Variants in SHFL observed in about 807,000 individuals in gnomAD.
The protein encoded by SHFL is shiftless antiviral inhibitor of ribosomal frameshifting protein.
In SHFL, 12 loss-of-function variants were observed where a neutral mutation model predicts 34.7. The ratio of observed to expected loss-of-function variants is 0.35; its 90% CI spans 0.22 to 0.56. SHFL has a LOEUF of 0.56. Among genes scored for constraint, SHFL ranks in the 20% least tolerant of loss-of-function variants. SHFL has a pLI of 0.88. For synonymous variants in SHFL, 148 were observed against 156.0 expected (o/e 0.95, Z 0.38); for missense variants, 278 against 411.1 (o/e 0.68, Z 2.80).
chr19:10,092,888 T>C lies in SHFL; in HGVS notation c.*586T>C. 1 of 916,236 alleles carries C rather than the reference T, an allele frequency of 1.1e-6. No homozygotes were observed. The highest frequency in any genetic ancestry group is 1.6e-6 in the Non-Finnish European group (1 of 638,482). 56.8% of individuals were successfully genotyped at this position (916,236 alleles called of 1,614,324 possible). Reference sequence around the variant, plus strand: ...ATCCCCTGGCCCCTCCCATTCTTATTGAATACAAGCCCTGATCTTCCATCT... The same window carrying C: ...ATCCCCTGGCCCCTCCCATTCTTATCGAATACAAGCCCTGATCTTCCATCT... On this transcript the variant is annotated 3_prime_UTR_variant, in exon 8 of 8. Coordinates refer to ENST00000253110, the MANE Select transcript of SHFL (RefSeq NM_018381.4).
rs1391620460 is a variant in SHFL at position 10,091,663 on chromosome 19, T to A, written c.643+33T>A. On this transcript the variant is annotated intron_variant, in intron 7 of 7. Coordinates refer to ENST00000253110, the MANE Select transcript of SHFL (RefSeq NM_018381.4). The surrounding 1 kb of genome is among the most constrained non-coding windows in gnomAD (Gnocchi z 8.2). ...TCTTCTCCCCCAACAGCCTGGACAG[T>A]CTTTGTCCCCTTCTGTGCCTTTAAG... 2 of 1,516,950 alleles carry A rather than the reference T, an allele frequency of 1.3e-6. No individual in the cohort carries two copies. Among genetic ancestry groups the A allele is most frequent in the Non-Finnish European group, 1.8e-6 (2 of 1,126,308 alleles). 94.0% of individuals were successfully genotyped at this position (1,516,950 alleles called of 1,614,324 possible). A position where few individuals can be genotyped will look rare whatever the true frequency, so the allele number is the denominator to read the frequency against.
At chr19:10,092,006 C>T (rs1318697835) in intron 7 of SHFL, 64 bp from the exon 8 acceptor site, 2 of 1,603,884 alleles carry the variant, frequency 1.2e-6, no homozygotes, top group East Asian at 2.2e-5. Context: ...TGGCCTAAGT[C>T]CCCTCCTCCC....
Position 10,089,491 on chromosome 19 carries a change from G to A in SHFL, c.196-166G>A, listed in dbSNP as rs933767541. 9 of 1,378,866 alleles carry A rather than the reference G, an allele frequency of 6.5e-6. No individual in the cohort carries two copies. The African/African-American group carries it at 1.3e-4, about 20-fold the overall frequency. 85.4% of individuals were successfully genotyped at this position (1,378,866 alleles called of 1,614,324 possible). On this transcript the variant is annotated intron_variant, in intron 3 of 7. Transcript: ENST00000253110. ...GCCCACCTCTCAGGGCTGCTATGAG[G>A]ACAACTGAGGCCACACACCTGGCTC...
intron 3 of SHFL, chr19:10,089,255 C>G (rs779970376): frequency 4.5e-6 from 7 of 1,561,482 alleles, no homozygotes; most frequent in Middle Eastern, 1.7e-4. Context: ...CAAGTCCCCA[C>G]AGCTGGAAGT....
chr19:10,089,350 A>T, intron 3 of SHFL: 1 of 1,598,558 alleles, frequency 6.3e-7, no homozygotes, highest in Non-Finnish European at 8.5e-7. Context: ...TCACAACATC[A>T]ACAAGCATGT....
At chr19:10,089,795 G>A in intron 4 of SHFL, 100 bp downstream of exon 4, 2 of 1,555,710 alleles carry the variant, frequency 1.3e-6, no homozygotes, top group Non-Finnish European at 1.7e-6. Context: ...TATTCACTGG[G>A]GCAGGAAGAG....
At chr19:10,090,261 C>T (rs1366056241) in intron 5 of SHFL, 1 of 590,810 alleles carries the variant, frequency 1.7e-6, no homozygotes, top group Non-Finnish European at 3.0e-6. Flanking sequence ...TACCTCCTTA[C>T]CCCAGAACCT....
Position 10,092,385 on chromosome 19 carries a change from G to C in SHFL, c.*83G>C. ...AAGATATGAGCTCAAACCGAGATAT[G>C]AATGACCTTGGGGAGCCATCTGAGG... On this transcript the variant is annotated 3_prime_UTR_variant, in exon 8 of 8. Transcript: ENST00000253110. 1.3e-6 allele frequency: 2 copies of C among 1,529,698 alleles called. No homozygotes were observed. Among genetic ancestry groups the C allele is most frequent in the South Asian group, 2.5e-5 (2 of 81,280 alleles). 94.8% of individuals were successfully genotyped at this position (1,529,698 alleles called of 1,614,324 possible).
At chr19:10,087,154 C>T in intron 2 of SHFL, 97 bp from the exon 3 acceptor site, 2 of 1,591,000 alleles carry the variant, frequency 1.3e-6, no homozygotes, top group South Asian at 2.2e-5. Context: ...CCCCGGAGGT[C>T]CCAGCCTTGG....
chr19:10,089,251 C>T, intron 3 of SHFL: 1 of 1,544,848 alleles, frequency 6.5e-7, no homozygotes, highest in Non-Finnish European at 8.8e-7. Context: ...TGCCCAAGTC[C>T]CCACAGCTGG....
Position 10,092,498 on chromosome 19 carries a change from G to A in SHFL, c.*196G>A. 1 of 1,522,344 alleles carries A rather than the reference G, an allele frequency of 6.6e-7. No individual in the cohort carries two copies. The highest frequency in any genetic ancestry group is 1.3e-5 in the South Asian group (1 of 78,542). 94.3% of individuals were successfully genotyped at this position (1,522,344 alleles called of 1,614,324 possible). On this transcript the variant is annotated 3_prime_UTR_variant, in exon 8 of 8. Transcript: ENST00000253110. ...AGTGGGAAGTTCTGTGGGACACATT[G>A]GCACTGAGCCACAAAGAAGGTGTGG... is the stretch of plus-strand genomic sequence containing the variant.
chr19:10,092,405 C>A lies in SHFL; in HGVS notation c.*103C>A. ...GATATGAATGACCTTGGGGAGCCAT[C>A]TGAGGCCAAGATATTGACGGGGGGG... On this transcript the variant is annotated 3_prime_UTR_variant, in exon 8 of 8. Coordinates refer to ENST00000253110, the MANE Select transcript of SHFL (RefSeq NM_018381.4). 1 of 1,519,606 alleles carries A rather than the reference C, an allele frequency of 6.6e-7. No individual in the cohort carries two copies. Among genetic ancestry groups the A allele is most frequent in the Non-Finnish European group, 8.8e-7 (1 of 1,136,830 alleles). The allele number at this position is 1,519,606 out of a possible 1,614,324, so 94.1% of individuals were successfully genotyped here.
rs894745546 is a variant in SHFL at position 10,086,810 on chromosome 19, G to GT, written c.22-119_22-118insT. On this transcript the variant is annotated intron_variant, in intron 1 of 7. Transcript: ENST00000253110. The surrounding 1 kb of genome is among the most constrained non-coding windows in gnomAD (Gnocchi z 5.2). ...CCGTAAAGGGATGAAAGGCGGGGGG[G>GT]GGGCGGCGGAGGCCAAAACCAAGGG... 6 of 1,210,614 alleles carry GT rather than the reference G, an allele frequency of 5.0e-6. No individual in the cohort carries two copies. The highest frequency in any genetic ancestry group is 1.5e-5 in the African/African-American group (1 of 65,162). 75.0% of individuals were successfully genotyped at this position (1,210,614 alleles called of 1,614,324 possible).
chr19:10,093,143 T>A lies in SHFL; in HGVS notation c.*841T>A. ...ACTTGAACAGGAGTCTTGATTCTTT[T>A]TTTGCCTCATCAGAGAAGGAATCTG... On this transcript the variant is annotated 3_prime_UTR_variant, in exon 8 of 8. Coordinates refer to ENST00000253110, the MANE Select transcript of SHFL (RefSeq NM_018381.4). 1 of 637,172 alleles carries A rather than the reference T, an allele frequency of 1.6e-6. No homozygotes were observed. The highest frequency in any genetic ancestry group is 2.6e-6 in the Non-Finnish European group (1 of 378,602). The allele number at this position is 637,172 out of a possible 1,614,324, so 39.5% of individuals were successfully genotyped here.
chr19:10,089,333 C>T (rs551228831), intron 3 of SHFL: 18 of 1,598,452 alleles, frequency 1.1e-5, no homozygotes, highest in African/African-American at 5.3e-5. Context: ...CTCAAAGGGG[C>T]GATATGTCAC....
In SHFL at chr19:10,087,019, G is replaced by T; in HGVS notation, c.112G>T (p.Asp38Tyr). The change falls in exon 2 of 8, where the codon GAC (aspartate) becomes TAC (tyrosine). Residue 38 changes from aspartate to tyrosine, a missense_variant. Around this residue, in one of 2 missense-constraint regions of SHFL, gnomAD observed 243 missense variants for 386.2 expected, o/e 0.63. Coordinates refer to ENST00000253110, the MANE Select transcript of SHFL (RefSeq NM_018381.4). ...AGALMRKFGS[D>Y]HTGVGRSIVY... ...GGCTCTGATGAGGAAATTCGGCAGC[G>T]ACCACACGGGAGTGGGGCGCTCCAT... 6.2e-7 allele frequency: 1 copy of T among 1,612,876 alleles called. No individual in the cohort carries two copies. Among genetic ancestry groups the T allele is most frequent in the Non-Finnish European group, 8.5e-7 (1 of 1,179,436 alleles).
chr19:10,093,089 A>G lies in SHFL; in HGVS notation c.*787A>G. 1 of 508,000 alleles carries G rather than the reference A, an allele frequency of 2.0e-6. No homozygotes were observed. The allele number at this position is 508,000 out of a possible 1,614,324, so 31.5% of individuals were successfully genotyped here. Reference sequence around the variant, plus strand: ...AAGTATCTACTTCCTTTCTAGAATAAGAGTACTAGCTCTCACCCTCTGCCC... The same window carrying G: ...AAGTATCTACTTCCTTTCTAGAATAGGAGTACTAGCTCTCACCCTCTGCCC... On this transcript the variant is annotated 3_prime_UTR_variant, in exon 8 of 8. Transcript: ENST00000253110.
In SHFL at chr19:10,086,472, C is replaced by A; in HGVS notation, c.21+24C>A. The A allele has an allele frequency of 7.3e-7, 1 of 1,363,896 alleles. No homozygotes were observed. The highest frequency in any genetic ancestry group is 9.5e-7 in the Non-Finnish European group (1 of 1,052,660). The allele number at this position is 1,363,896 out of a possible 1,614,324, so 84.5% of individuals were successfully genotyped here. A position where few individuals can be genotyped will look rare whatever the true frequency, so the allele number is the denominator to read the frequency against. ...AGGTAAGCGATGGCTACGGCTGGGC[C>A]GGGGTCAGCCGCGACAGACCCCGAG... On this transcript the variant is annotated intron_variant, in intron 1 of 7. Transcript: ENST00000253110. This position sits in a 1 kb window ranked among gnomAD's most constrained non-coding sequence, Gnocchi z 5.2.
Position 10,092,836 on chromosome 19 carries a change from C to T in SHFL, c.*534C>T, listed in dbSNP as rs752838801. The T allele has an allele frequency of 9.8e-5, 140 of 1,427,306 alleles. No individual in the cohort carries two copies. Among genetic ancestry groups the T allele is most frequent in the Non-Finnish European group, 1.2e-4 (130 of 1,061,216 alleles). 88.4% of individuals were successfully genotyped at this position (1,427,306 alleles called of 1,614,324 possible). On this transcript the variant is annotated 3_prime_UTR_variant, in exon 8 of 8. Coordinates refer to ENST00000253110, the MANE Select transcript of SHFL (RefSeq NM_018381.4). ...ACCAGAATAAAAGCCTCTACCTGCA[C>T]CTCACAGTGCAAGGCTTTTGCCAGG...
Sources: gnomAD v4.1 joint callset for allele counts on GRCh38, gnomAD v4.1.1 for gene constraint, gnomAD v4.1.1 regional missense constraint, Gnocchi (gnomAD v3.1) non-coding constraint, MANE v1.5 for transcripts, NCBI Gene and HGNC (gene_info 2026-07-23, HGNC 2026-07-21) for gene names.